The following SLC5A10 variants were observed in gnomAD, a reference collection of about 807,000 sequenced individuals.
SLC5A10 encodes sodium/mannose cotransporter SLC5A10.
A neutral mutation model predicts 68.9 loss-of-function variants in SLC5A10; 55 were observed. That is an observed-to-expected ratio of 0.80 (90% CI 0.64 to 1.00). The LOEUF is 1.00. Ranked by LOEUF, SLC5A10 falls within the 50% of genes least tolerant of loss-of-function variation. The pLI is 0.00. For missense variants in SLC5A10, 732 were observed against 819.3 expected, an observed-to-expected ratio of 0.89 and a Z score of 1.30; for synonymous variants, 344 against 344.8, an observed-to-expected ratio of 1.00 and a Z score of 0.02.
intron 9 of SLC5A10, among the ~76,000 whole-genome samples, chr17:19,012,367 T>A (rs1174482044): frequency 1.3e-5 from 2 of 152,260 alleles, no homozygotes; most frequent in Admixed American, 1.3e-4. Context: ...GGATCTGGCC[T>A]GAGCCTGGGA....
At chr17:18,972,784 C>G (rs1019768559) in intron 8 of SLC5A10, among the ~76,000 whole-genome samples, 1 of 151,930 alleles carries the variant, frequency 6.6e-6, no homozygotes, top group East Asian at 1.9e-4. Context: ...ATGGCGTGAG[C>G]CCAGGAGGTG....
At chr17:18,989,648 C>A (rs535360849) in intron 9 of SLC5A10, among the ~76,000 whole-genome samples, 2 of 152,258 alleles carry the variant, frequency 1.3e-5, no homozygotes, top group Non-Finnish European at 2.9e-5. Flanking sequence ...AAGAGCCCGA[C>A]GGGGGGCTGG....
chr17:18,994,669 C>T (rs1489456093), intron 9 of SLC5A10, among the ~76,000 whole-genome samples: 6 of 152,122 alleles, frequency 3.9e-5, no homozygotes, highest in Non-Finnish European at 8.8e-5. Context: ...CCTCCTAACA[C>T]ACAGGTCCTG....
intron 9 of SLC5A10, among the ~76,000 whole-genome samples, chr17:18,990,427 T>A (rs924255331): frequency 1.3e-5 from 2 of 152,116 alleles, no homozygotes; most frequent in Non-Finnish European, 2.9e-5. Context: ...AAGCCACTTC[T>A]GAGCAGGCAA....
chr17:19,001,324 A>G (rs1313194710), intron 9 of SLC5A10, among the ~76,000 whole-genome samples: 1 of 152,206 alleles, frequency 6.6e-6, no homozygotes, highest in African/African-American at 2.4e-5. Flanking sequence ...TCTGTGCCTC[A>G]GTATCCTTGT....
rs758808400 is a variant in SLC5A10, at chr17:19,013,480, C to T, written c.1053C>T (p.Ile351=). The T allele has an allele frequency of 1.1e-5, 18 of 1,579,204 alleles. No homozygotes were observed. The highest frequency in any genetic ancestry group is 1.1e-4 in the South Asian group (10 of 89,314). ...ACGAEVGCSN[I]AYPKLVMELM... is the part of the protein sequence containing the mutation. ...GGGCCGAGGTCGGCTGCTCCAACAT[C>T]GCCTACCCCAAGCTGGTCATGGAAC... The change falls in exon 10 of 15, where the codon ATC becomes ATT. Residue 351 remains isoleucine, a synonymous_variant. Coordinates refer to ENST00000395645, the MANE Select transcript of SLC5A10 (RefSeq NM_001042450.4).
intron 9 of SLC5A10, among the ~76,000 whole-genome samples, chr17:19,012,272 C>T (rs1172039186): frequency 3.3e-5 from 5 of 152,258 alleles, no homozygotes; most frequent in Non-Finnish European, 5.9e-5. Context: ...GAGAGCCCCA[C>T]ACCTCAGGGC....
At chr17:19,019,678 C>A (rs375985108) in intron 12 of SLC5A10, 35 bp from the exon 13 acceptor site, 1 of 1,602,958 alleles carries the variant, frequency 6.2e-7, no homozygotes, top group Admixed American at 1.7e-5. Flanking sequence ...GTCCTCCTCC[C>A]GTAGCCCCAC....
intron 9 of SLC5A10, chr17:18,988,533 C>T: frequency 6.7e-7 from 1 of 1,502,056 alleles, no homozygotes; most frequent in Non-Finnish European, 9.0e-7. Context: ...CACTCTGGCC[C>T]TACTCCTGGA....
chr17:18,953,001 C>T (rs917630689), intron 1 of SLC5A10, among the ~76,000 whole-genome samples: 1 of 152,118 alleles, frequency 6.6e-6, no homozygotes, highest in Non-Finnish European at 1.5e-5. Flanking sequence ...GTGGACACAG[C>T]CTGGTTCAGG....
intron 9 of SLC5A10, among the ~76,000 whole-genome samples, chr17:18,981,718 G>A (rs1449710188): frequency 6.6e-6 from 1 of 152,140 alleles, no homozygotes; most frequent in African/African-American, 2.4e-5. Flanking sequence ...CTTTTCATAG[G>A]GCCCAGTGCA....
rs141384248 is a variant in SLC5A10, at chr17:18,984,894, C to T, written c.982+7905C>T. Reference sequence around the variant, plus strand: ...CTCCCACATGGAGGGCCACTGGGGCCGGCCAGGGCAACCGGCTGAGGTGCT... The same window carrying T: ...CTCCCACATGGAGGGCCACTGGGGCTGGCCAGGGCAACCGGCTGAGGTGCT... On this transcript the variant is annotated intron_variant, in intron 9 of 14. Transcript: ENST00000395645. Among the ~76,000 whole-genome samples the T allele has an allele frequency of 1.6e-3, 244 of 152,364 alleles. 2 individuals are homozygous for T. The highest frequency in any genetic ancestry group is 2.4e-3 in the Non-Finnish European group (165 of 68,038).
At position 19,013,399 on chromosome 17, in the gene SLC5A10, C is replaced by A; in HGVS notation, c.983-11C>A. ...ATGAGGAGAGACACCAAGTGTCCGTCTCTCGAACAGATGATGTGGGCTGCG... is the reference window on the plus strand; with the variant it reads ...ATGAGGAGAGACACCAAGTGTCCGTATCTCGAACAGATGATGTGGGCTGCG... On this transcript the variant is annotated splice_polypyrimidine_tract_variant and intron_variant, in intron 9 of 14. Transcript: ENST00000395645. The A allele has an allele frequency of 2.5e-6, 4 of 1,606,338 alleles. No individual in the cohort carries two copies. In the East Asian group the frequency reaches 9.0e-5, roughly 36 times the overall value.
intron 1 of SLC5A10, 63 bp downstream of exon 1, chr17:18,952,379 C>G (rs2042385921): frequency 1.3e-6 from 2 of 1,549,996 alleles, no homozygotes; most frequent in East Asian, 2.4e-5. Flanking sequence ...GGGGTGGGAA[C>G]CGGGGTCCAG....
At chr17:18,993,021 G>C (rs1397721598) in intron 9 of SLC5A10, among the ~76,000 whole-genome samples, 3 of 152,236 alleles carry the variant, frequency 2.0e-5, no homozygotes, top group Non-Finnish European at 4.4e-5. Flanking sequence ...AGGACGAGTA[G>C]GTAGAACAGG....
rs1418421274 is a variant in SLC5A10, at chr17:19,003,788, C to A, written c.983-9622C>A. 2.7e-5 allele frequency: 44 copies of A among 1,611,802 alleles called. No homozygotes were observed. Among genetic ancestry groups the A allele is most frequent in the Non-Finnish European group, 3.6e-5 (42 of 1,179,426 alleles). ...ATTGTCCTCGGGCCCCTGAGAGGGG[C>A]CCGTGCCCCGAGGGTCCTCAGAGCC... On this transcript the variant is annotated intron_variant, in intron 9 of 14. Coordinates refer to ENST00000395645, the MANE Select transcript of SLC5A10 (RefSeq NM_001042450.4). The surrounding 1 kb of genome is among the most constrained non-coding windows in gnomAD (Gnocchi z 4.5).
chr17:19,017,630 T>A lies in SLC5A10; in HGVS notation c.1242-1793T>A. ...CCTGCCCCAAGCCCCCACACCTCAG[T>A]CCACTGTTCCGCCACTGCCCCCCTG... On this transcript the variant is annotated intron_variant, in intron 11 of 14. Transcript: ENST00000395645. The surrounding 1 kb of genome is among the most constrained non-coding windows in gnomAD (Gnocchi z 5.6). 2 of 504,380 alleles carry A rather than the reference T, an allele frequency of 4.0e-6. No homozygotes were observed. The highest frequency in any genetic ancestry group is 7.0e-5 in the East Asian group (2 of 28,574). The allele number at this position is 504,380 out of a possible 1,614,324, so 31.2% of individuals were successfully genotyped here. A position where few individuals can be genotyped will look rare whatever the true frequency, so the allele number is the denominator to read the frequency against.
chr17:18,997,995 C>T (rs1399800537), intron 9 of SLC5A10, among the ~76,000 whole-genome samples: 1 of 152,256 alleles, frequency 6.6e-6, no homozygotes, highest in Non-Finnish European at 1.5e-5. Context: ...CAACTATCTC[C>T]AAGCAGCCAC....
Position 18,996,123 on chromosome 17 carries a change from A to G in SLC5A10, c.983-17287A>G, listed in dbSNP as rs1474639168. 6.7e-6 allele frequency among the ~76,000 whole-genome samples: 1 copy of G among 148,554 alleles called. No individual in the cohort carries two copies. The highest frequency in any genetic ancestry group is 1.5e-5 in the Non-Finnish European group (1 of 67,556). Reference sequence around the variant, plus strand: ...CCACAAGACAACAGGCAATATCTTTAAAGTACTAAATGGAAAAAAAAAAAA... The same window carrying G: ...CCACAAGACAACAGGCAATATCTTTGAAGTACTAAATGGAAAAAAAAAAAA... On this transcript the variant is annotated intron_variant, in intron 9 of 14. Coordinates refer to ENST00000395645, the MANE Select transcript of SLC5A10 (RefSeq NM_001042450.4). The surrounding 1 kb of genome is among the most constrained non-coding windows in gnomAD (Gnocchi z 4.4).
Sources: allele counts gnomAD v4.1 joint callset (sites outside exome capture counted in the v4.1 genomes callset), GRCh38; gene constraint gnomAD v4.1.1; non-coding constraint Gnocchi (gnomAD v3.1); transcripts MANE v1.5; gene names NCBI Gene and HGNC (gene_info 2026-07-23, HGNC 2026-07-21).